Variants in ZNF362 observed in about 807,000 individuals in gnomAD.
ZNF362 encodes zinc finger protein 362.
In ZNF362, 11 loss-of-function variants were observed where a neutral mutation model predicts 42.9. The ratio of observed to expected loss-of-function variants is 0.26; its 90% CI spans 0.16 to 0.42. The LOEUF is 0.42. Among genes scored for constraint, ZNF362 ranks in the 20% least tolerant of loss-of-function variants. The pLI, the probability that ZNF362 is intolerant of heterozygous loss-of-function variation, is 1.00. For synonymous variants in ZNF362, 255 were observed against 257.3 expected (o/e 0.99, Z 0.09); for missense variants, 362 against 576.2 (o/e 0.63, Z 3.81).
chr1:33,294,689 G>A lies in ZNF362; in HGVS notation c.909-248G>A, dbSNP rs1254899266. Among the ~76,000 whole-genome samples the A allele has an allele frequency of 6.6e-6, 1 of 152,142 alleles. No homozygotes were observed. The highest frequency in any genetic ancestry group is 6.5e-5 in the Admixed American group (1 of 15,288). ...GGGTTGCTGCAAGGGCTCTGGTGGT[G>A]GGCTGGGGACAGCTGGGACCTGTGG... On this transcript the variant is annotated intron_variant, in intron 6 of 8. Transcript: ENST00000539719. The surrounding 1 kb of genome is among the most constrained non-coding windows in gnomAD (Gnocchi z 4.2).
At chr1:33,165,486 T>C in the ZNF362 span, 47 of 1,606,778 alleles carry the variant, frequency 2.9e-5, 1 homozygote, top group Admixed American at 4.4e-4. This position sits in a 1 kb window ranked among gnomAD's most constrained non-coding sequence, Gnocchi z 4.0. Context: ...TCTCCGCCAG[T>C]TGTCGCTTGA....
chr1:33,150,933 T>C, the ZNF362 span, among the ~76,000 whole-genome samples: 4 of 152,084 alleles, frequency 2.6e-5, no homozygotes, highest in African/African-American at 9.7e-5. Flanking sequence ...TGGGGGAACC[T>C]AGGCATGATA....
chr1:33,131,521 A>G, the ZNF362 span, among the ~76,000 whole-genome samples: 1 of 152,220 alleles, frequency 6.6e-6, no homozygotes, highest in African/African-American at 2.4e-5. Context: ...GATTTCAAAG[A>G]TGTAGTTCAA....
In ZNF362 at chr1:33,281,804, C is replaced by T; in HGVS notation, c.901C>T (p.His301Tyr). ...CCGGCAGCTCTCCCACCTCCAGCAGCACACCAGGTGAGTGGCCTGCCTGCT... is the reference window on the plus strand; with the variant it reads ...CCGGCAGCTCTCCCACCTCCAGCAGTACACCAGGTGAGTGGCCTGCCTGCT... ...SFRQLSHLQQ[H>Y]TRIHTGDRPY... The change falls in exon 6 of 9, where the codon CAC (histidine) becomes TAC (tyrosine). Residue 301 changes from histidine to tyrosine, a missense_variant. Transcript: ENST00000539719. This position sits in a 1 kb window ranked among gnomAD's most constrained non-coding sequence, Gnocchi z 4.8. 1 of 1,614,160 alleles carries T rather than the reference C, an allele frequency of 6.2e-7. No individual in the cohort carries two copies. The highest frequency in any genetic ancestry group is 8.5e-7 in the Non-Finnish European group (1 of 1,180,002).
chr1:33,149,351 G>A, the ZNF362 span, among the ~76,000 whole-genome samples: 6 of 151,894 alleles, frequency 4.0e-5, no homozygotes, highest in African/African-American at 1.5e-4. Context: ...ACAGGGTTTC[G>A]TCATGTTGGC....
chr1:33,199,783 T>A, the ZNF362 span: 1 of 152,208 alleles, frequency 6.6e-6, no homozygotes, highest in African/African-American at 2.4e-5. Context: ...TTTGGGAGGC[T>A]GAGGCAGGTG....
chr1:33,253,601 C>T (rs558680085), upstream of ZNF362, among the ~76,000 whole-genome samples: 3 of 152,022 alleles, frequency 2.0e-5, no homozygotes, highest in Admixed American at 6.5e-5. Flanking sequence ...GTACCCTTCC[C>T]CCATAAATCC....
Position 33,299,692 on chromosome 1 carries a change from T to C in ZNF362, c.*646T>C, listed in dbSNP as rs796890820. 7.0e-6 allele frequency: 1 copy of C among 143,002 alleles called. No homozygotes were observed. The highest frequency in any genetic ancestry group is 2.6e-5 in the African/African-American group (1 of 38,398). 8.9% of individuals were successfully genotyped at this position (143,002 alleles called of 1,614,324 possible). A position where few individuals can be genotyped will look rare whatever the true frequency, so the allele number is the denominator to read the frequency against. ...AGGCAGAAACGAGAGGGGTGGGAGA[T>C]CCACAGGACCAAAGGGTGCAGTGAT... On this transcript the variant is annotated 3_prime_UTR_variant, in exon 9 of 9. Transcript: ENST00000539719.
intron 6 of ZNF362, among the ~76,000 whole-genome samples, chr1:33,288,630 A>G (rs1335999573): frequency 6.6e-6 from 1 of 150,854 alleles, no homozygotes; most frequent in Non-Finnish European, 1.5e-5. Flanking sequence ...CTGTAGTCCC[A>G]GCTACTTGGG....
At chr1:33,231,381 C>T in the ZNF362 span, among the ~76,000 whole-genome samples, 2 of 152,132 alleles carry the variant, frequency 1.3e-5, no homozygotes, top group Non-Finnish European at 2.9e-5. Flanking sequence ...TCTACTAATC[C>T]TAAGAGACAT....
chr1:33,218,978 C>CACACAT, the ZNF362 span, among the ~76,000 whole-genome samples: 1,474 of 134,400 alleles, frequency 0.011, 27 homozygotes, highest in South Asian at 0.016. Context: ...CACACACACA[C>CACACAT]ACATACACCA....
chr1:33,217,850 A>G, the ZNF362 span, among the ~76,000 whole-genome samples: 1 of 152,296 alleles, frequency 6.6e-6, no homozygotes. Flanking sequence ...CTATGGTGCA[A>G]TCTCAGTTTT....
the ZNF362 span, among the ~76,000 whole-genome samples, chr1:33,157,931 A>AT: frequency 6.6e-6 from 1 of 151,718 alleles, no homozygotes; most frequent in African/African-American, 2.4e-5. Flanking sequence ...TAATTTTTGT[A>AT]TTTTTAATAG....
At chr1:33,147,516 C>G in the ZNF362 span, 1 of 1,613,754 alleles carries the variant, frequency 6.2e-7, no homozygotes, top group East Asian at 2.2e-5. This position sits in a 1 kb window ranked among gnomAD's most constrained non-coding sequence, Gnocchi z 8.1. Flanking sequence ...GCCCGATCAC[C>G]CACTGGGTCT....
chr1:33,285,161 C>T (rs2148117204), intron 6 of ZNF362, among the ~76,000 whole-genome samples: 1 of 152,308 alleles, frequency 6.6e-6, no homozygotes, highest in Non-Finnish European at 1.5e-5. Flanking sequence ...CCCCTGTAAT[C>T]CCAACACTTT....
chr1:33,272,477 G>A (rs748536182), intron 2 of ZNF362, among the ~76,000 whole-genome samples: 2 of 152,098 alleles, frequency 1.3e-5, no homozygotes, highest in African/African-American at 2.4e-5. Context: ...TCGTTCATCC[G>A]CCCATCCACT....
At chr1:33,177,229 A>C in the ZNF362 span, among the ~76,000 whole-genome samples, 1 of 152,184 alleles carries the variant, frequency 6.6e-6, no homozygotes, top group East Asian at 1.9e-4. This position sits in a 1 kb window ranked among gnomAD's most constrained non-coding sequence, Gnocchi z 4.1. Flanking sequence ...GGGGACTTTA[A>C]CTTTTACATT....
chr1:33,148,626 A>T, the ZNF362 span, among the ~76,000 whole-genome samples: 1 of 152,238 alleles, frequency 6.6e-6, no homozygotes, highest in African/African-American at 2.4e-5. Context: ...TTTATTATTA[A>T]TAATTTCCTT....
At chr1:33,287,119 A>G (rs1646038680) in intron 6 of ZNF362, among the ~76,000 whole-genome samples, 1 of 152,246 alleles carries the variant, frequency 6.6e-6, no homozygotes, top group Non-Finnish European at 1.5e-5. Flanking sequence ...AGCCCTCTAC[A>G]TAATAAACAC....
Sources: allele counts gnomAD v4.1 joint callset (sites outside exome capture counted in the v4.1 genomes callset), GRCh38; gene constraint gnomAD v4.1.1; non-coding constraint Gnocchi (gnomAD v3.1); transcripts MANE v1.5; gene names NCBI Gene and HGNC (gene_info 2026-07-23, HGNC 2026-07-21).